The following POLR1A variants were observed in gnomAD, a reference collection of about 807,000 sequenced individuals.
POLR1A encodes DNA-directed RNA polymerase I subunit RPA1.
POLR1A carries 84 observed loss-of-function variants against 205.3 expected under a neutral mutation model. The ratio of observed to expected loss-of-function variants is 0.41; its 90% CI spans 0.34 to 0.49. POLR1A has a LOEUF of 0.49. Among genes scored for constraint, POLR1A ranks in the 20% least tolerant of loss-of-function variants. The probability of loss-of-function intolerance (pLI) is 0.22; values close to 1 mark genes in which losing one functional copy is unlikely to be tolerated. For missense variants in POLR1A, 1,645 were observed against 2,204.5 expected, an observed-to-expected ratio of 0.75 and a Z score of 5.08; for synonymous variants, 799 against 863.7, an observed-to-expected ratio of 0.93 and a Z score of 1.31.
rs554697621 is a variant in POLR1A at position 86,045,722 on chromosome 2, C to A, written c.2781G>T (p.Pro927=). The A allele has an allele frequency of 4.3e-6, 7 of 1,609,842 alleles. No individual in the cohort carries two copies. The highest frequency in any genetic ancestry group is 2.2e-5 in the East Asian group (1 of 44,846). ...GCAGTGACTTGCCAGACGCCATCAG[C>A]GGGGGTCTCCGACCTTCCAGTTCAA... ...GQIELEGRRP[P]LMASGKSLPC... is the part of the protein sequence containing the mutation. Residue 927 remains proline, a synonymous_variant, in exon 20 of 34, where the codon CCG becomes CCT. Coordinates refer to ENST00000263857, the MANE Select transcript of POLR1A (RefSeq NM_015425.6).
In POLR1A at chr2:86,054,019, T is replaced by G; in HGVS notation, c.2208+121A>C. ...CTGACAACAACTCAGGCACAACGCC[T>G]TCTCTTCTGAGGCACAGTACCTGCT... On this transcript the variant is annotated intron_variant, in intron 15 of 33. Coordinates refer to ENST00000263857, the MANE Select transcript of POLR1A (RefSeq NM_015425.6). 2 of 962,378 alleles carry G rather than the reference T, an allele frequency of 2.1e-6. 1 individual carries two copies. Among genetic ancestry groups the G allele is most frequent in the South Asian group, 3.2e-5 (2 of 62,360 alleles). 59.6% of individuals were successfully genotyped at this position (962,378 alleles called of 1,614,324 possible). A position where few individuals can be genotyped will look rare whatever the true frequency, so the allele number is the denominator to read the frequency against.
intron 21 of POLR1A, 52 bp downstream of exon 21, chr2:86,045,226 G>T: frequency 8.8e-7 from 1 of 1,140,282 alleles, no homozygotes; most frequent in Non-Finnish European, 1.3e-6. Context: ...AAAGATGATG[G>T]CAGGAAGGGC....
At chr2:86,064,112 G>C (rs1401123545) in intron 14 of POLR1A, among the ~76,000 whole-genome samples, 3 of 152,116 alleles carry the variant, frequency 2.0e-5, no homozygotes, top group Non-Finnish European at 4.4e-5. Flanking sequence ...TCCAGGTTTT[G>C]CTTCTGTCAC....
At position 86,075,184 on chromosome 2, in the gene POLR1A, T is replaced by C; in HGVS notation, c.1457A>G (p.Asn486Ser). ...GGCTCCTGGGTGCACATTAGGGCCG[T>C]TGATGACCGCTTGCCTAAGTTCCTG... ...NVQELRQAVINGPNVHPGASM... is the reference protein window; with the variant it reads ...NVQELRQAVISGPNVHPGASM... Residue 486 changes from asparagine (N) to serine (S), a missense_variant, in exon 12 of 34, where the codon AAC (asparagine) becomes AGC (serine). Physicochemically the swap from Asn to Ser is conservative, Grantham distance 46 (BLOSUM62 1). Around this residue, in one of 16 missense-constraint regions of POLR1A, gnomAD observed 131 missense variants for 214.5 expected, o/e 0.61. Coordinates refer to ENST00000263857, the MANE Select transcript of POLR1A (RefSeq NM_015425.6). 6.2e-7 allele frequency: 1 copy of C among 1,613,458 alleles called. No individual in the cohort carries two copies. The highest frequency in any genetic ancestry group is 1.1e-5 in the South Asian group (1 of 90,784).
chr2:86,041,936 T>C lies in POLR1A; in HGVS notation c.3525A>G (p.Ala1175=). Residue 1175 remains alanine, a synonymous_variant, in exon 24 of 34, where the codon GCA becomes GCG. Coordinates refer to ENST00000263857, the MANE Select transcript of POLR1A (RefSeq NM_015425.6). ...TKVDDYSQEW[A]AQTEKSYEKS... ...TCTCATAACTCTTCTCTGTTTGAGC[T>C]GCCCACTCTTGACTGTAGTCATCAA... is the stretch of plus-strand genomic sequence containing the variant. The C allele has an allele frequency of 3.1e-6, 5 of 1,614,234 alleles. No individual in the cohort carries two copies. Among genetic ancestry groups the C allele is most frequent in the Non-Finnish European group, 4.2e-6 (5 of 1,180,032 alleles).
At chr2:86,054,837 G>A (rs1399527913) in intron 14 of POLR1A, among the ~76,000 whole-genome samples, 1 of 152,216 alleles carries the variant, frequency 6.6e-6, no homozygotes, top group Non-Finnish European at 1.5e-5. Flanking sequence ...TTTATCTGGA[G>A]ATAACCAGAG....
chr2:86,027,544 T>C (rs763577919), intron 33 of POLR1A, 21 bp from the exon 34 acceptor site: 32 of 1,593,084 alleles, frequency 2.0e-5, no homozygotes, highest in Non-Finnish European at 2.3e-5. Flanking sequence ...CACAAAAACA[T>C]GTGTCAGGGT....
At chr2:86,098,557 T>C (rs1485867082) in intron 3 of POLR1A, 54 bp downstream of exon 3, 4 of 1,577,288 alleles carry the variant, frequency 2.5e-6, no homozygotes, top group Non-Finnish European at 3.5e-6. Flanking sequence ...GCATCTCTTG[T>C]TCCCCACACC....
rs1420143422 is a variant in POLR1A at position 86,064,824 on chromosome 2, ACTCACTACAAC to A, written c.2058+439_2058+449del. The stretch of plus-strand genomic sequence containing the variant: ...GGCAGGAGTGCAGTGGCTGATCCTG[ACTCACTACAAC>A]CTCCACCTCCTGGGTTCAAGCGATT... On this transcript the variant is annotated intron_variant, in intron 14 of 33. Coordinates refer to ENST00000263857, the MANE Select transcript of POLR1A (RefSeq NM_015425.6). 2.3e-4 allele frequency among the ~76,000 whole-genome samples: 34 copies of A among 150,624 alleles called. 1 individual carries two copies. The highest frequency in any genetic ancestry group is 3.0e-5 in the Non-Finnish European group (2 of 67,666).
intron 27 of POLR1A, among the ~76,000 whole-genome samples, chr2:86,034,235 T>C (rs1473601075): frequency 6.6e-6 from 1 of 152,192 alleles, no homozygotes; most frequent in African/African-American, 2.4e-5. Context: ...AGGCAGAATC[T>C]ACTGTAGGAG....
In POLR1A at chr2:86,045,693, C is replaced by T; in HGVS notation, c.2810G>A (p.Cys937Tyr). 6.2e-7 allele frequency: 1 copy of T among 1,612,046 alleles called. No homozygotes were observed. Among genetic ancestry groups the T allele is most frequent in the Non-Finnish European group, 8.5e-7 (1 of 1,179,522 alleles). ...GGGGGTGAACTCATAAGGCTCAAAG[C>T]AGGGCAGTGACTTGCCAGACGCCAT... ...PLMASGKSLPCFEPYEFTPRA... is the reference protein window; with the variant it reads ...PLMASGKSLPYFEPYEFTPRA... The change falls in exon 20 of 34, where the codon TGC becomes TAC. Residue 937 changes from cysteine (C) to tyrosine (Y), a missense_variant. This residue lies in a region of POLR1A where 339 missense variants were observed against 415.1 expected (regional missense o/e 0.82). Transcript: ENST00000263857.
intron 16 of POLR1A, among the ~76,000 whole-genome samples, chr2:86,052,319 T>A (rs1010380794): frequency 1.3e-5 from 2 of 152,130 alleles, no homozygotes; most frequent in Admixed American, 1.3e-4. Context: ...GAAAGGGCAC[T>A]TGTGTAGCAG....
intron 3 of POLR1A, among the ~76,000 whole-genome samples, chr2:86,090,688 T>C (rs1028762606): frequency 6.6e-6 from 1 of 152,248 alleles, no homozygotes; most frequent in African/African-American, 2.4e-5. Flanking sequence ...AATATGCCTA[T>C]GATGCTCCCC....
intron 15 of POLR1A, among the ~76,000 whole-genome samples, chr2:86,053,696 TCTC>T (rs1259363188): frequency 1.3e-5 from 2 of 152,146 alleles, no homozygotes; most frequent in Admixed American, 6.5e-5. Context: ...TGGAAAGACT[TCTC>T]CACTGGGAAC....
chr2:86,045,817 T>C (rs934821804), intron 19 of POLR1A, 48 bp from the exon 20 acceptor site: 2 of 1,526,746 alleles, frequency 1.3e-6, no homozygotes, highest in African/African-American at 2.8e-5. Context: ...CATGTGTGTT[T>C]AACAGTGCTT....
chr2:86,101,816 C>T (rs1253645955), intron 1 of POLR1A, among the ~76,000 whole-genome samples: 1 of 152,110 alleles, frequency 6.6e-6, no homozygotes, highest in Non-Finnish European at 1.5e-5. Context: ...TCCTCTGCTA[C>T]CATCATTTTA....
chr2:86,034,194 A>G (rs1672454575), intron 27 of POLR1A, among the ~76,000 whole-genome samples: 1 of 152,188 alleles, frequency 6.6e-6, no homozygotes, highest in Non-Finnish European at 1.5e-5. Context: ...GGACAGTTGT[A>G]GGTGCCGCTG....
At chr2:86,027,766 C>A (rs1300795972) in intron 33 of POLR1A, 119 bp downstream of exon 33, 2 of 1,193,458 alleles carry the variant, frequency 1.7e-6, no homozygotes, top group Non-Finnish European at 2.4e-6. Context: ...GCCCCCGCTC[C>A]CCTCAGATCC....
chr2:86,080,809 C>T lies in POLR1A; in HGVS notation c.1086+7G>A. On this transcript the variant is annotated splice_region_variant and intron_variant, in intron 9 of 33. Transcript: ENST00000263857. ...GCTCATCACATCAGCAACAGAGCAG[C>T]CCTGACCTCATCTGTAGTGGGTGTG... 6.2e-7 allele frequency: 1 copy of T among 1,606,310 alleles called. No individual in the cohort carries two copies. Among genetic ancestry groups the T allele is most frequent in the Non-Finnish European group, 8.5e-7 (1 of 1,175,846 alleles).
Sources: allele counts gnomAD v4.1 joint callset (sites outside exome capture counted in the v4.1 genomes callset), GRCh38; gene constraint gnomAD v4.1.1; regional missense constraint gnomAD v4.1.1; transcripts MANE v1.5; gene names NCBI Gene and HGNC (gene_info 2026-07-23, HGNC 2026-07-21).